Variants in EEIG2 observed in about 807,000 individuals in gnomAD.
The protein encoded by EEIG2 is family with sequence similarity 102 member B.
chr1:108,598,160 C>T, the EEIG2 span, among the ~76,000 whole-genome samples: 2 of 151,670 alleles, frequency 1.3e-5, no homozygotes, highest in African/African-American at 4.8e-5. Context: ...GGTGAAACCC[C>T]GTCTCTACAA....
chr1:108,620,418 A>T, the EEIG2 span, among the ~76,000 whole-genome samples: 1 of 152,338 alleles, frequency 6.6e-6, no homozygotes, highest in East Asian at 1.9e-4. Context: ...TTTATTGCAT[A>T]GTTCTCTACA....
the EEIG2 span, among the ~76,000 whole-genome samples, chr1:108,616,773 T>C: frequency 2.6e-5 from 4 of 152,242 alleles, no homozygotes; most frequent in African/African-American, 9.6e-5. Flanking sequence ...TTCTAGATAC[T>C]AGAGAAACAG....
the EEIG2 span, among the ~76,000 whole-genome samples, chr1:108,630,923 T>C: frequency 6.6e-6 from 1 of 152,200 alleles, no homozygotes; most frequent in African/African-American, 2.4e-5. Flanking sequence ...TCATTTCTTT[T>C]ACTAATACTC....
At chr1:108,629,349 C>G in the EEIG2 span, among the ~76,000 whole-genome samples, 23,741 of 152,110 alleles carry the variant, frequency 0.16, 3,018 homozygotes, top group African/African-American at 0.35. Context: ...TTGGAAATTT[C>G]TAGGAAGAGC....
At chr1:108,564,662 C>G in the EEIG2 span, among the ~76,000 whole-genome samples, 1 of 152,098 alleles carries the variant, frequency 6.6e-6, no homozygotes, top group African/African-American at 2.4e-5. Context: ...TGAAAAAAGG[C>G]CAGGCATAGT....
chr1:108,618,829 CCT>C, the EEIG2 span, among the ~76,000 whole-genome samples: 3 of 110,292 alleles, frequency 2.7e-5, no homozygotes, highest in Non-Finnish European at 4.3e-5. Flanking sequence ...AGAGCAAGCC[CCT>C]GTCTCAAAAA....
the EEIG2 span, among the ~76,000 whole-genome samples, chr1:108,623,811 A>G: frequency 6.6e-6 from 1 of 151,992 alleles, no homozygotes; most frequent in African/African-American, 2.4e-5. Flanking sequence ...AGCTGGGACT[A>G]CAGATGCATG....
the EEIG2 span, among the ~76,000 whole-genome samples, chr1:108,590,898 T>G: frequency 6.6e-6 from 1 of 152,174 alleles, no homozygotes; most frequent in Admixed American, 6.5e-5. Flanking sequence ...ATCCATAATT[T>G]TCCTTTTATT....
the EEIG2 span, chr1:108,626,004 CAT>C: frequency 6.6e-6 from 1 of 152,260 alleles, no homozygotes; most frequent in African/African-American, 2.4e-5. Flanking sequence ...GTCCTGTGGA[CAT>C]TTGTTCTGGT....
At chr1:108,566,070 C>G in the EEIG2 span, among the ~76,000 whole-genome samples, 1 of 152,116 alleles carries the variant, frequency 6.6e-6, no homozygotes, top group Non-Finnish European at 1.5e-5. Context: ...TGAGATTATA[C>G]TATACTTAGT....
chr1:108,628,127 T>C, the EEIG2 span: 1 of 1,563,292 alleles, frequency 6.4e-7, no homozygotes, highest in Non-Finnish European at 8.8e-7. Context: ...CCATTAACTT[T>C]TTGGCAATAA....
At chr1:108,590,275 G>A in the EEIG2 span, among the ~76,000 whole-genome samples, 1 of 151,824 alleles carries the variant, frequency 6.6e-6, no homozygotes, top group Non-Finnish European at 1.5e-5. Flanking sequence ...CTTATCCTTG[G>A]AGTATTAAAA....
chr1:108,614,224 A>AAG, the EEIG2 span, among the ~76,000 whole-genome samples: 9 of 151,116 alleles, frequency 6.0e-5, no homozygotes, highest in African/African-American at 2.2e-4. Context: ...AAAAAAAAAA[A>AAG]AAAATACTCC....
At chr1:108,586,622 AG>A in the EEIG2 span, among the ~76,000 whole-genome samples, 1 of 152,100 alleles carries the variant, frequency 6.6e-6, no homozygotes, top group Non-Finnish European at 1.5e-5. Flanking sequence ...GGCATCCTAA[AG>A]GATGGGAAAA....
At chr1:108,564,534 G>C in the EEIG2 span, among the ~76,000 whole-genome samples, 2 of 152,178 alleles carry the variant, frequency 1.3e-5, no homozygotes, top group Non-Finnish European at 2.9e-5. Flanking sequence ...TGAGTAGTGG[G>C]AGGCATTTAT....
At chr1:108,630,299 A>G in the EEIG2 span, among the ~76,000 whole-genome samples, 3 of 152,220 alleles carry the variant, frequency 2.0e-5, no homozygotes, top group Admixed American at 2.0e-4. Flanking sequence ...TATTAAAACC[A>G]TCATTCTCAG....
At chr1:108,606,248 C>G in the EEIG2 span, 21 of 1,563,772 alleles carry the variant, frequency 1.3e-5, no homozygotes, top group Non-Finnish European at 1.8e-5. Flanking sequence ...AAAGCTTATG[C>G]AAAGGTAAGC....
chr1:108,563,617 T>G, the EEIG2 span, among the ~76,000 whole-genome samples: 1 of 152,188 alleles, frequency 6.6e-6, no homozygotes, highest in Non-Finnish European at 1.5e-5. Flanking sequence ...GTATTTGATA[T>G]ATATATTAAT....
chr1:108,612,931 T>G, the EEIG2 span, among the ~76,000 whole-genome samples: 7 of 152,354 alleles, frequency 4.6e-5, no homozygotes, highest in African/African-American at 1.7e-4. Flanking sequence ...AGGAAAATAG[T>G]TCTGAGTAAA....
Sources: allele counts gnomAD v4.1 joint callset (sites outside exome capture counted in the v4.1 genomes callset), GRCh38; gene constraint gnomAD v4.1.1; transcripts MANE v1.5; gene names NCBI Gene and HGNC (gene_info 2026-07-23, HGNC 2026-07-21).